Variants in OXNAD1 observed in about 807,000 individuals in gnomAD.
OXNAD1 encodes oxidoreductase NAD binding domain containing 1, also known as oxidoreductase NAD-binding domain-containing protein 1.
A neutral mutation model predicts 32.9 loss-of-function variants in OXNAD1; 34 were observed. That is an observed-to-expected ratio of 1.03 (90% CI 0.79 to 1.38). OXNAD1 has a LOEUF of 1.38. Among genes scored for constraint, OXNAD1 ranks in the 40% most tolerant of loss-of-function variants. The probability of loss-of-function intolerance (pLI) is 0.00; values close to 1 mark genes in which losing one functional copy is unlikely to be tolerated. For synonymous variants in OXNAD1, 134 were observed against 135.2 expected (o/e 0.99, Z 0.06); for missense variants, 407 against 379.4 (o/e 1.07, Z -0.60).
rs2065448255 is a variant in OXNAD1, at chr3:16,277,674, G to A, written c.183+5952G>A. Among the ~76,000 whole-genome samples the A allele has an allele frequency of 6.6e-6, 1 of 152,170 alleles. No individual in the cohort carries two copies. Among genetic ancestry groups the A allele is most frequent in the Admixed American group, 6.5e-5 (1 of 15,272 alleles). Reference sequence around the variant, plus strand: ...CTAAAGGACTGTGTTGCTACTCTTGGAGTCGACAGGAAATGGAATACTCAC... The same window carrying A: ...CTAAAGGACTGTGTTGCTACTCTTGAAGTCGACAGGAAATGGAATACTCAC... On this transcript the variant is annotated intron_variant, in intron 4 of 8. Coordinates refer to ENST00000285083, the MANE Select transcript of OXNAD1 (RefSeq NM_138381.5). The surrounding 1 kb of genome is among the most constrained non-coding windows in gnomAD (Gnocchi z 4.3).
chr3:16,291,726 A>C (rs567705015), intron 5 of OXNAD1, among the ~76,000 whole-genome samples: 2 of 152,356 alleles, frequency 1.3e-5, no homozygotes, highest in South Asian at 4.1e-4. Flanking sequence ...TTGAGTGAAC[A>C]TACAGTTTCA....
rs1435823960 is a variant in OXNAD1 at position 16,312,468 on chromosome 3, C to G, written c.*30+8876C>G. On this transcript the variant is annotated intron_variant, in intron 9 of 9. Transcript: ENST00000435829. The surrounding 1 kb of genome is among the most constrained non-coding windows in gnomAD (Gnocchi z 4.7). ...CCGAGCTTCTCCTGGCCACACACACCAGTCATCCTCACCCTTCCCGTCTTG... is the reference window on the plus strand; with the variant it reads ...CCGAGCTTCTCCTGGCCACACACACGAGTCATCCTCACCCTTCCCGTCTTG... 6.6e-6 allele frequency among the ~76,000 whole-genome samples: 1 copy of G among 151,420 alleles called. No homozygotes were observed. The highest frequency in any genetic ancestry group is 1.5e-5 in the Non-Finnish European group (1 of 67,548).
intron 4 of OXNAD1, among the ~76,000 whole-genome samples, chr3:16,272,706 G>A (rs1352555285): frequency 6.7e-6 from 1 of 149,888 alleles, no homozygotes; most frequent in Non-Finnish European, 1.5e-5. Context: ...GTAGATTTAG[G>A]AGCTTGTGGG....
intron 9 of OXNAD1, among the ~76,000 whole-genome samples, chr3:16,333,118 C>T (rs1027919697): frequency 1.8e-4 from 28 of 152,214 alleles, no homozygotes; most frequent in African/African-American, 6.8e-4. Flanking sequence ...TAAAGCACAT[C>T]ATAGCATTCC....
At chr3:16,343,206 C>T (rs1344792858) in intron 9 of OXNAD1, among the ~76,000 whole-genome samples, 1 of 152,152 alleles carries the variant, frequency 6.6e-6, no homozygotes, top group Non-Finnish European at 1.5e-5. Flanking sequence ...AACCACTGCG[C>T]TAGTCCTTCC....
In OXNAD1 at chr3:16,303,417, T is replaced by A. The variant is rs2067323919; in HGVS notation, c.794T>A (p.Ile265Lys). 1 of 1,613,448 alleles carries A rather than the reference T, an allele frequency of 6.2e-7. No individual in the cohort carries two copies. The highest frequency in any genetic ancestry group is 1.3e-5 in the African/African-American group (1 of 74,872). The change falls in exon 9 of 9, where the codon ATA (isoleucine) becomes AAA (lysine). Residue 265 changes from isoleucine (I) to lysine (K), a missense_variant. Physicochemically the swap from Ile to Lys is moderately radical, Grantham distance 102. Coordinates refer to ENST00000285083, the MANE Select transcript of OXNAD1 (RefSeq NM_138381.5). This position sits in a 1 kb window ranked among gnomAD's most constrained non-coding sequence, Gnocchi z 4.8. ...ELKPYITEGRITEKEIRDHIS... is the reference protein window; with the variant it reads ...ELKPYITEGRKTEKEIRDHIS... Reference sequence around the variant, plus strand: ...TTCTGGTTTTTGGTAGAAGGAAGAATAACGGAGAAGGAGATAAGAGATCAT... The same window carrying A: ...TTCTGGTTTTTGGTAGAAGGAAGAAAAACGGAGAAGGAGATAAGAGATCAT...
In OXNAD1 at chr3:16,329,527, T is replaced by C. The variant is rs1432839508; in HGVS notation, c.*31-7585T>C. ...GCCCAGCAGTTGTGACCATCCTTTC[T>C]GCCTGGCCTCTGGGCACACGCACAC... On this transcript the variant is annotated intron_variant, in intron 9 of 9. Transcript: ENST00000435829. This position sits in a 1 kb window ranked among gnomAD's most constrained non-coding sequence, Gnocchi z 4.5. 6.6e-6 allele frequency among the ~76,000 whole-genome samples: 1 copy of C among 152,166 alleles called. No individual in the cohort carries two copies. The highest frequency in any genetic ancestry group is 1.5e-5 in the Non-Finnish European group (1 of 68,024).
chr3:16,281,764 C>CTAGAT (rs1339320008), intron 4 of OXNAD1, among the ~76,000 whole-genome samples: 1 of 151,964 alleles, frequency 6.6e-6, no homozygotes, highest in African/African-American at 2.4e-5. Context: ...ATTCTTTTCC[C>CTAGAT]TATCTAGTTT....
At position 16,342,415 on chromosome 3, in the gene OXNAD1, C is replaced by G. The variant is rs2071377342; in HGVS notation, c.*31-6761C>G. Among the ~76,000 whole-genome samples, 1 of 151,920 alleles carries G rather than the reference C, an allele frequency of 6.6e-6. No homozygotes were observed. The highest frequency in any genetic ancestry group is 6.6e-5 in the Admixed American group (1 of 15,252). On this transcript the variant is annotated intron_variant, in intron 9 of 9. Coordinates refer to the OXNAD1 transcript ENST00000606098. The surrounding 1 kb of genome is among the most constrained non-coding windows in gnomAD (Gnocchi z 4.0). The stretch of plus-strand genomic sequence containing the variant: ...ATAATATTCCATCATATGGATATAC[C>G]ATAGTTTATTCATCATTTGATGAAC...
rs1425925072 is a variant in OXNAD1, at chr3:16,302,220, G to C, written c.675+352G>C. On this transcript the variant is annotated intron_variant, in intron 7 of 8. Coordinates refer to ENST00000285083, the MANE Select transcript of OXNAD1 (RefSeq NM_138381.5). This position sits in a 1 kb window ranked among gnomAD's most constrained non-coding sequence, Gnocchi z 4.2. ...GACTTAGACAGTTTGGACCCAGCTG[G>C]GTAAATGAAACCCCTGTCAGTTGCA... Among the ~76,000 whole-genome samples the C allele has an allele frequency of 6.6e-6, 1 of 152,152 alleles. No individual in the cohort carries two copies. Among genetic ancestry groups the C allele is most frequent in the Non-Finnish European group, 1.5e-5 (1 of 68,038 alleles).
At chr3:16,295,919 T>A (rs1456111951) in intron 6 of OXNAD1, among the ~76,000 whole-genome samples, 4 of 152,150 alleles carry the variant, frequency 2.6e-5, no homozygotes, top group Admixed American at 2.0e-4. Context: ...TTTTTAAAGG[T>A]TGCAGAGAAT....
chr3:16,281,161 A>G (rs1254938862), intron 4 of OXNAD1, among the ~76,000 whole-genome samples: 1 of 152,250 alleles, frequency 6.6e-6, no homozygotes, highest in East Asian at 1.9e-4. Context: ...GATGTTTTTA[A>G]TCCACATTGC....
At chr3:16,339,804 G>A (rs2071191012), downstream of OXNAD1, 1 of 152,166 alleles carries the variant, frequency 6.6e-6, no homozygotes, top group Admixed American at 6.5e-5. Context: ...ATGAATCCCA[G>A]GCACTTAAGG....
At position 16,280,405 on chromosome 3, in the gene OXNAD1, G is replaced by A. The variant is rs1276743328; in HGVS notation, c.184-5937G>A. Among the ~76,000 whole-genome samples the A allele has an allele frequency of 3.9e-5, 6 of 152,086 alleles. No homozygotes were observed. Among genetic ancestry groups the A allele is most frequent in the Admixed American group, 2.0e-4 (3 of 15,262 alleles). On this transcript the variant is annotated intron_variant, in intron 4 of 8. Transcript: ENST00000285083. The surrounding 1 kb of genome is among the most constrained non-coding windows in gnomAD (Gnocchi z 4.5). ...TAAGAAGTTAAATTGTGTGGTTGACGGAGAATTTTGTGTCTACCTTTGTTA... is the reference window on the plus strand; with the variant it reads ...TAAGAAGTTAAATTGTGTGGTTGACAGAGAATTTTGTGTCTACCTTTGTTA...
chr3:16,266,594 C>A (rs1336747065), intron 1 of OXNAD1, among the ~76,000 whole-genome samples: 2 of 116,456 alleles, frequency 1.7e-5, no homozygotes, highest in Non-Finnish European at 3.3e-5. Flanking sequence ...CAGAGCTAGA[C>A]GCTGTCTCAA....
rs1330713919 is a variant in OXNAD1, at chr3:16,277,277, G to C, written c.183+5555G>C. On this transcript the variant is annotated intron_variant, in intron 4 of 8. Coordinates refer to ENST00000285083, the MANE Select transcript of OXNAD1 (RefSeq NM_138381.5). The surrounding 1 kb of genome is among the most constrained non-coding windows in gnomAD (Gnocchi z 4.3). ...TCTTCTCCCATACAGAATGAGAACTGCGAAGAGTTGGGAGGAACTGGAGAA... is the reference window on the plus strand; with the variant it reads ...TCTTCTCCCATACAGAATGAGAACTCCGAAGAGTTGGGAGGAACTGGAGAA... Among the ~76,000 whole-genome samples the C allele has an allele frequency of 6.6e-6, 1 of 152,090 alleles. No homozygotes were observed. The highest frequency in any genetic ancestry group is 1.5e-5 in the Non-Finnish European group (1 of 68,016).
chr3:16,282,964 G>A (rs975875289), intron 4 of OXNAD1, among the ~76,000 whole-genome samples: 2 of 151,560 alleles, frequency 1.3e-5, no homozygotes, highest in Non-Finnish European at 2.9e-5. Context: ...GGAGACCAAG[G>A]TAGTAGTTCA....
downstream of OXNAD1, chr3:16,339,439 G>A (rs1327221616): frequency 6.6e-6 from 1 of 152,142 alleles, no homozygotes; most frequent in East Asian, 1.9e-4. Flanking sequence ...TCAGACATCT[G>A]GCTGTTCATT....
At chr3:16,315,109 T>C (rs2068248100) in intron 9 of OXNAD1, 1 of 138,424 alleles carries the variant, frequency 7.2e-6, no homozygotes, top group Non-Finnish European at 1.6e-5. Flanking sequence ...ATATTACAAA[T>C]GTTTGTGGTT....
Sources: allele counts gnomAD v4.1 joint callset (sites outside exome capture counted in the v4.1 genomes callset), GRCh38; gene constraint gnomAD v4.1.1; non-coding constraint Gnocchi (gnomAD v3.1); transcripts MANE v1.5; gene names NCBI Gene and HGNC (gene_info 2026-07-23, HGNC 2026-07-21).